Variants in CORO1C observed in about 807,000 individuals in gnomAD.
The protein encoded by CORO1C is coronin-1C.
A neutral mutation model predicts 51.2 loss-of-function variants in CORO1C; 14 were observed. The observed-to-expected ratio is 0.27, with a 90% confidence interval of 0.18 to 0.43. CORO1C has a LOEUF of 0.43. Among genes scored for constraint, CORO1C ranks in the 20% least tolerant of loss-of-function variants. The pLI is 1.00. For synonymous variants in CORO1C, 181 were observed against 210.5 expected (o/e 0.86, Z 1.21); for missense variants, 417 against 607.8 (o/e 0.69, Z 3.30).
At position 108,654,226 on chromosome 12, in the gene CORO1C, A is replaced by G. The variant is rs2032824567; in HGVS notation, c.855+80T>C. 6.6e-6 allele frequency: 6 copies of G among 906,266 alleles called. No homozygotes were observed. The South Asian group carries it at 6.9e-5, about 10-fold the overall frequency. The allele number at this position is 906,266 out of a possible 1,614,324, so 56.1% of individuals were successfully genotyped here. A position where few individuals can be genotyped will look rare whatever the true frequency, so the allele number is the denominator to read the frequency against. On this transcript the variant is annotated intron_variant, in intron 7 of 10. Coordinates refer to ENST00000261401, the MANE Select transcript of CORO1C (RefSeq NM_014325.4). ...TAGAAAAATTAAACAGATACAACAC[A>G]TTGCCCGTCCTCTAAATCTCTGAAG...
rs2032373238 is a variant in CORO1C at position 108,646,682 on chromosome 12, A to G, written c.*721T>C. 2 of 152,250 alleles carry G rather than the reference A, an allele frequency of 1.3e-5. No individual in the cohort carries two copies. The highest frequency in any genetic ancestry group is 2.9e-5 in the Non-Finnish European group (2 of 68,026). The allele number at this position is 152,250 out of a possible 1,614,324, so 9.4% of individuals were successfully genotyped here. A position where few individuals can be genotyped will look rare whatever the true frequency, so the allele number is the denominator to read the frequency against. ...AAAGGAAAAGAAGAAATACGACGTG[A>G]GCTTTTTTGATCAGAAGACTCCATG... On this transcript the variant is annotated 3_prime_UTR_variant, in exon 11 of 11. Transcript: ENST00000261401.
intron 1 of CORO1C, among the ~76,000 whole-genome samples, chr12:108,725,960 C>G (rs1455412003): frequency 6.6e-6 from 1 of 152,002 alleles, no homozygotes; most frequent in African/African-American, 2.4e-5. Context: ...CTTCAGCCTC[C>G]TGAGTAGCTG....
intron 2 of CORO1C, among the ~76,000 whole-genome samples, chr12:108,679,896 G>A (rs931108868): frequency 6.6e-6 from 1 of 152,014 alleles, no homozygotes; most frequent in Non-Finnish European, 1.5e-5. Context: ...ATTACCGTAA[G>A]GATTAAATGA....
rs1332042801 is a variant in CORO1C, at chr12:108,726,325, G to A, written c.-6+5104C>T. Reference sequence around the variant, plus strand: ...TCCCAGCTACTTGGGAGGCTGAGGCGGGAGAACGGCGTGAACCTGGGAGGC... The same window carrying A: ...TCCCAGCTACTTGGGAGGCTGAGGCAGGAGAACGGCGTGAACCTGGGAGGC... On this transcript the variant is annotated intron_variant, in intron 1 of 10. Transcript: ENST00000261401. 1.4e-4 allele frequency among the ~76,000 whole-genome samples: 21 copies of A among 151,304 alleles called. No individual in the cohort carries two copies. In the South Asian group the frequency reaches 2.9e-3, roughly 21 times the overall value.
At chr12:108,680,946 CATAATTATTAAACTATAGATACAGT>C (rs2034104322) in intron 2 of CORO1C, among the ~76,000 whole-genome samples, 4 of 152,204 alleles carry the variant, frequency 2.6e-5, no homozygotes, top group African/African-American at 9.7e-5. Flanking sequence ...TCCTATTTTA[CATAATTATTAAACTATAGATACAGT>C]AACTCTTTTG....
intron 1 of CORO1C, among the ~76,000 whole-genome samples, chr12:108,713,259 T>C (rs975981690): frequency 6.6e-6 from 1 of 152,234 alleles, no homozygotes; most frequent in Non-Finnish European, 1.5e-5. Context: ...TATGGACTTG[T>C]TGAAAAAAAT....
At chr12:108,654,705 CTT>C (rs1003628138) in intron 6 of CORO1C, among the ~76,000 whole-genome samples, 16 of 142,578 alleles carry the variant, frequency 1.1e-4, no homozygotes, top group Non-Finnish European at 1.2e-4. Flanking sequence ...TTTTCTTTTT[CTT>C]TTTTTTTTTT....
chr12:108,720,699 A>G (rs923927873), intron 1 of CORO1C, among the ~76,000 whole-genome samples: 3 of 151,674 alleles, frequency 2.0e-5, no homozygotes, highest in African/African-American at 7.3e-5. Flanking sequence ...AATTTTTTGT[A>G]TTTTTAGTAG....
At chr12:108,679,647 C>T (rs576080657) in intron 2 of CORO1C, among the ~76,000 whole-genome samples, 3 of 152,328 alleles carry the variant, frequency 2.0e-5, no homozygotes, top group Admixed American at 2.0e-4. Context: ...GGCTTCTTAG[C>T]AATTTTTCAA....
intron 1 of CORO1C, chr12:108,730,789 G>C (rs1259073203): frequency 6.8e-6 from 1 of 146,798 alleles, no homozygotes; most frequent in East Asian, 2.0e-4. Context: ...CTCCAGCTCT[G>C]CCCCGCCCCG....
In CORO1C at chr12:108,658,502, T is replaced by C. The variant is rs2033120702; in HGVS notation, c.630+236A>G. Among the ~76,000 whole-genome samples the C allele has an allele frequency of 2.0e-5, 3 of 152,192 alleles. No individual in the cohort carries two copies. ...CTCTAGTGAACTGATACAAACTATTTCTTTGTGAAAAAAGGCTACAAAGTG... is the reference window on the plus strand; with the variant it reads ...CTCTAGTGAACTGATACAAACTATTCCTTTGTGAAAAAAGGCTACAAAGTG... On this transcript the variant is annotated intron_variant, in intron 5 of 10. Coordinates refer to ENST00000261401, the MANE Select transcript of CORO1C (RefSeq NM_014325.4). This position sits in a 1 kb window ranked among gnomAD's most constrained non-coding sequence, Gnocchi z 4.9.
chr12:108,668,015 C>G (rs78654370), intron 3 of CORO1C, among the ~76,000 whole-genome samples: 2,850 of 152,284 alleles, frequency 0.019, 80 homozygotes, highest in African/African-American at 0.065. Flanking sequence ...AGTCACCCAT[C>G]ATCAACTTGC....
chr12:108,718,863 T>G (rs1184675346), intron 1 of CORO1C, among the ~76,000 whole-genome samples: 4 of 152,180 alleles, frequency 2.6e-5, no homozygotes, highest in African/African-American at 9.7e-5. Context: ...ACCAAATACT[T>G]TACCACCATT....
At chr12:108,695,851 T>TA (rs924887183) in intron 2 of CORO1C, among the ~76,000 whole-genome samples, 17,687 of 62,476 alleles carry the variant, frequency 0.28, 1,829 homozygotes, top group East Asian at 0.41. Flanking sequence ...TTGGGAGAAC[T>TA]AAAAAAAAAA....
rs749040338 is a variant in CORO1C, at chr12:108,678,368, A to C, written c.222T>G (p.Pro74=). ...CTGGTCCTGTGTGGCCACATACTGT[A>C]GGGTAAGATTTGTCAATTCGACCAG... ...HKTGRIDKSY[P]TVCGHTGPVL... The change falls in exon 3 of 11, where the codon CCT becomes CCG. Residue 74 remains proline (P), a synonymous_variant. Coordinates refer to ENST00000261401, the MANE Select transcript of CORO1C (RefSeq NM_014325.4). 4 of 1,596,862 alleles carry C rather than the reference A, an allele frequency of 2.5e-6. No homozygotes were observed. In the African/African-American group the frequency reaches 5.4e-5, roughly 22 times the overall value.
chr12:108,723,004 C>T (rs957219702), intron 1 of CORO1C, among the ~76,000 whole-genome samples: 1 of 152,232 alleles, frequency 6.6e-6, no homozygotes, highest in Non-Finnish European at 1.5e-5. Context: ...GACAGTTACT[C>T]TATTTCTAAA....
chr12:108,690,325 C>T (rs572245784), intron 2 of CORO1C, among the ~76,000 whole-genome samples: 25 of 152,126 alleles, frequency 1.6e-4, no homozygotes, highest in Non-Finnish European at 3.4e-4. Flanking sequence ...GATTGAGTTA[C>T]CCTGTAAGGT....
chr12:108,679,297 CA>C (rs2034041164), intron 2 of CORO1C, among the ~76,000 whole-genome samples: 1 of 152,062 alleles, frequency 6.6e-6, no homozygotes, highest in African/African-American at 2.4e-5. Flanking sequence ...TAGTTAACAC[CA>C]ACTTAGACCT....
intron 8 of CORO1C, among the ~76,000 whole-genome samples, chr12:108,650,933 A>C (rs886296110): frequency 6.6e-6 from 1 of 152,202 alleles, no homozygotes; most frequent in African/African-American, 2.4e-5. Context: ...ACTAAAAAAA[A>C]AAAATCACAT....
Sources: gnomAD v4.1 joint callset for allele counts (sites outside exome capture counted in the v4.1 genomes callset) on GRCh38, gnomAD v4.1.1 for gene constraint, Gnocchi (gnomAD v3.1) non-coding constraint, MANE v1.5 for transcripts, NCBI Gene and HGNC (gene_info 2026-07-23, HGNC 2026-07-21) for gene names.